STK40: variants seen among roughly 807,000 people sequenced by gnomAD.
The protein encoded by STK40 is serine/threonine-protein kinase 40.
Under a neutral mutation model 47.9 loss-of-function variants are expected in STK40, and 13 were observed. The ratio of observed to expected loss-of-function variants is 0.27; its 90% CI spans 0.18 to 0.43. The LOEUF (loss-of-function observed/expected upper bound fraction) is 0.43. Ranked by LOEUF, STK40 falls within the 20% of genes least tolerant of loss-of-function variation. The pLI is 1.00. For missense variants in STK40, 460 were observed against 595.1 expected (o/e 0.77, Z 2.36); for synonymous variants, 225 against 243.2 (o/e 0.93, Z 0.69).
rs1646679901 is a variant in STK40 at position 36,344,212 on chromosome 1, G to A, written c.792C>T (p.Leu264=). 1 of 1,613,102 alleles carries A rather than the reference G, an allele frequency of 6.2e-7. No individual in the cohort carries two copies. The highest frequency in any genetic ancestry group is 1.7e-5 in the Admixed American group (1 of 59,916). Residue 264 remains leucine (L), a synonymous_variant, in exon 8 of 11, where the codon CTC becomes CTT. Coordinates refer to ENST00000373132, the MANE Select transcript of STK40 (RefSeq NM_001282547.2). ...GGAACTGGCCATACAGCATGGTGAA[G>A]AGCACCACGCCCAGGGCCCACATGT... The part of the protein sequence containing the change: ...PSDMWALGVV[L]FTMLYGQFPF...
At chr1:36,351,249 C>T (rs184066922) in intron 6 of STK40, among the ~76,000 whole-genome samples, 41 of 152,322 alleles carry the variant, frequency 2.7e-4, no homozygotes, top group East Asian at 1.9e-3. Context: ...AAATCCAAAG[C>T]GGGGTGAACT....
chr1:36,370,875 C>T (rs11577980), intron 1 of STK40, among the ~76,000 whole-genome samples: 8,573 of 151,236 alleles, frequency 0.057, 332 homozygotes, highest in Middle Eastern at 0.12. Context: ...TACTCCCGTA[C>T]TACACTTTTT....
chr1:36,349,812 T>TCTCGTCAGAGGGTGAAGGTG (rs1278437012), intron 6 of STK40, among the ~76,000 whole-genome samples: 2 of 152,176 alleles, frequency 1.3e-5, no homozygotes, highest in Non-Finnish European at 1.5e-5. Flanking sequence ...GGGAAAGGTT[T>TCTCGTCAGAGGGTGAAGGTG]CCTGGCCCAC....
chr1:36,381,449 C>T (rs1647038426), intron 1 of STK40, among the ~76,000 whole-genome samples: 1 of 152,060 alleles, frequency 6.6e-6, no homozygotes, highest in Admixed American at 6.6e-5. Flanking sequence ...CTTCATAGAC[C>T]CCCAGAAAAC....
intron 4 of STK40, among the ~76,000 whole-genome samples, chr1:36,356,415 TTTC>T (rs1308474103): frequency 2.9e-5 from 4 of 139,844 alleles, no homozygotes; most frequent in Non-Finnish European, 4.5e-5. Flanking sequence ...ATTTCTTCTT[TTTC>T]TTTTTTTTTT....
intron 7 of STK40, 110 bp from the exon 8 acceptor site, chr1:36,344,374 C>T: frequency 7.1e-7 from 1 of 1,401,444 alleles, no homozygotes. Context: ...TCCAGTCCCC[C>T]CAGAGTCGTC....
At chr1:36,361,033 C>T (rs1646847622) in intron 2 of STK40, among the ~76,000 whole-genome samples, 188 bp downstream of exon 2, 1 of 152,180 alleles carries the variant, frequency 6.6e-6, no homozygotes, top group Non-Finnish European at 1.5e-5. Flanking sequence ...AGGCTTGGGT[C>T]TTCCACTGAT....
intron 7 of STK40, among the ~76,000 whole-genome samples, chr1:36,344,488 G>T (rs371456549): frequency 1.3e-5 from 2 of 152,150 alleles, no homozygotes; most frequent in African/African-American, 4.8e-5. Flanking sequence ...CACCTGCCCC[G>T]CCCGGCCAGA....
intron 1 of STK40, among the ~76,000 whole-genome samples, chr1:36,376,157 G>A (rs923914541): frequency 6.6e-6 from 1 of 152,204 alleles, no homozygotes; most frequent in African/African-American, 2.4e-5. Context: ...CCAAGAGCAG[G>A]CGATCCCTTC....
chr1:36,345,329 G>A (rs1355702007), intron 7 of STK40, among the ~76,000 whole-genome samples: 1 of 152,242 alleles, frequency 6.6e-6, no homozygotes, highest in Non-Finnish European at 1.5e-5. Context: ...GAGAGGGTGT[G>A]CCATGTGTGC....
At chr1:36,374,669 C>G (rs918337479) in intron 1 of STK40, among the ~76,000 whole-genome samples, 5 of 152,220 alleles carry the variant, frequency 3.3e-5, no homozygotes, top group Non-Finnish European at 7.3e-5. Flanking sequence ...CTGGCTTGGC[C>G]TCTCCATCCA....
rs1483200590 is a variant in STK40 at position 36,344,278 on chromosome 1, C to T, written c.740-14G>A. The T allele has an allele frequency of 2.5e-6, 4 of 1,580,080 alleles. No homozygotes were observed. Among genetic ancestry groups the T allele is most frequent in the Admixed American group, 3.5e-5 (2 of 57,482 alleles). On this transcript the variant is annotated splice_polypyrimidine_tract_variant and intron_variant, in intron 7 of 10. Coordinates refer to ENST00000373132, the MANE Select transcript of STK40 (RefSeq NM_001282547.2). ...GGTACGGCCGGCCTACGGGCACACA[C>T]ATACCACACTGTCTTCAGGCCACAG...
intron 1 of STK40, among the ~76,000 whole-genome samples, chr1:36,385,421 C>G (rs1466064106): frequency 6.6e-6 from 1 of 152,204 alleles, no homozygotes; most frequent in Non-Finnish European, 1.5e-5. Flanking sequence ...TGGATTCACA[C>G]GCCGGTTGCT....
intron 1 of STK40, among the ~76,000 whole-genome samples, chr1:36,369,908 G>A (rs944625581): frequency 6.6e-6 from 1 of 152,250 alleles, no homozygotes; most frequent in African/African-American, 2.4e-5. Context: ...AGAGGCAGTT[G>A]AATAAAGAGG....
In STK40 at chr1:36,348,800, G is replaced by C. The variant is rs1273282013; in HGVS notation, c.639C>G (p.Thr213=). The C allele has an allele frequency of 6.2e-7, 1 of 1,605,616 alleles. No homozygotes were observed. Among genetic ancestry groups the C allele is most frequent in the Non-Finnish European group, 8.5e-7 (1 of 1,175,700 alleles). ...GCTTCCCGAGGCAGAAGTTGGTGAT[G>C]GTTATCCGATGTGTCCTAGGAGTGG... ...MVLNKRTHRI[T]ITNFCLGKHL... The change falls in exon 7 of 11, where the codon ACC becomes ACG. Residue 213 remains threonine (T), a synonymous_variant. Transcript: ENST00000373132.
intron 1 of STK40, among the ~76,000 whole-genome samples, chr1:36,382,960 T>A (rs547719649): frequency 6.6e-6 from 1 of 152,318 alleles, no homozygotes; most frequent in Non-Finnish European, 1.5e-5. Context: ...AATAAGCTTT[T>A]TTTTTGAGAC....
chr1:36,350,831 C>CAGGCACAGCTG (rs1646745755), intron 6 of STK40, among the ~76,000 whole-genome samples: 1 of 152,242 alleles, frequency 6.6e-6, no homozygotes, highest in South Asian at 2.1e-4. Context: ...AGGGCACGGG[C>CAGGCACAGCTG]AGGCACAGCT....
At chr1:36,367,495 G>C (rs566921175) in intron 1 of STK40, among the ~76,000 whole-genome samples, 1 of 152,282 alleles carries the variant, frequency 6.6e-6, no homozygotes, top group Non-Finnish European at 1.5e-5. Flanking sequence ...CGTGAGCCCA[G>C]ATCTCCCAGC....
rs1646802361 is a variant in STK40, at chr1:36,356,190, G to A, written c.343-757C>T. Among the ~76,000 whole-genome samples, 6 of 152,270 alleles carry A rather than the reference G, an allele frequency of 3.9e-5. No homozygotes were observed. The South Asian group carries it at 1.2e-3, about 32-fold the overall frequency. ...ATGTCCTGTGCTTAGGTCATGCACT[G>A]CCAGGGCTCAGTAAGTGGGTACTGC... On this transcript the variant is annotated intron_variant, in intron 4 of 10. Coordinates refer to ENST00000373132, the MANE Select transcript of STK40 (RefSeq NM_001282547.2).
Sources: gnomAD v4.1 joint callset for allele counts (sites outside exome capture counted in the v4.1 genomes callset) on GRCh38, gnomAD v4.1.1 for gene constraint, MANE v1.5 for transcripts, NCBI Gene and HGNC (gene_info 2026-07-23, HGNC 2026-07-21) for gene names.